BCL6: variants seen among roughly 807,000 people sequenced by gnomAD.
BCL6 encodes the protein B-cell lymphoma 6 protein.
Under a neutral mutation model 59.5 loss-of-function variants are expected in BCL6, and 7 were observed. The observed-to-expected ratio is 0.12, with a 90% CI of 0.07 to 0.22. BCL6 has a LOEUF of 0.22. Ranked by LOEUF, BCL6 falls within the 10% of genes least tolerant of loss-of-function variation. The pLI, the probability that BCL6 is intolerant of heterozygous loss-of-function variation, is 1.00. For synonymous variants in BCL6, 339 were observed against 349.7 expected (o/e 0.97, Z 0.34); for missense variants, 685 against 939.4 (o/e 0.73, Z 3.54).
intron 1 of BCL6, among the ~76,000 whole-genome samples, chr3:187,741,349 C>A (rs190929278): frequency 6.6e-6 from 1 of 152,122 alleles, no homozygotes; most frequent in Admixed American, 6.5e-5. Flanking sequence ...GGCAGAATGG[C>A]ACTCGACAGT....
In BCL6 at chr3:187,726,873, C is replaced by T. The variant is rs199997559; in HGVS notation, c.1566G>A (p.Glu522=). 4 of 1,614,044 alleles carry T rather than the reference C, an allele frequency of 2.5e-6. No homozygotes were observed. Among genetic ancestry groups the T allele is most frequent in the East Asian group, 4.5e-5 (2 of 44,880 alleles). The part of the protein sequence containing the change: ...SCENGAFFCN[E]CDCRFSEEAS... ...CCTCCTCAGAGAAGCGGCAGTCACACTCATTGCAGAAGAAGGCCCCGTTCT... is the reference window on the plus strand; with the variant it reads ...CCTCCTCAGAGAAGCGGCAGTCACATTCATTGCAGAAGAAGGCCCCGTTCT... Residue 522 remains glutamate (E), a synonymous_variant, in exon 7 of 10, where the codon GAG becomes GAA. Transcript: ENST00000406870.
intron 4 of BCL6, among the ~76,000 whole-genome samples, 200 bp downstream of exon 4, chr3:187,731,509 G>C (rs986461578): frequency 6.6e-6 from 1 of 152,126 alleles, no homozygotes; most frequent in African/African-American, 2.4e-5. Flanking sequence ...GTAATGCATA[G>C]GACATACCTG....
intron 1 of BCL6, chr3:187,736,683 C>T (rs1719296175): frequency 6.6e-6 from 1 of 152,228 alleles, no homozygotes; most frequent in African/African-American, 2.4e-5. Context: ...AACAAATGTA[C>T]ATACACGAGG....
At chr3:187,738,624 A>T (rs61738685) in intron 1 of BCL6, among the ~76,000 whole-genome samples, 2,457 of 151,960 alleles carry the variant, frequency 0.016, 62 homozygotes, top group African/African-American at 0.056. Flanking sequence ...GCCATGTCCT[A>T]ATTGGTCTCG....
intron 1 of BCL6, among the ~76,000 whole-genome samples, chr3:187,743,216 A>G (rs1711678182): frequency 6.6e-6 from 1 of 151,804 alleles, no homozygotes; most frequent in Admixed American, 6.6e-5. Flanking sequence ...ATCTACTGAC[A>G]CTCACTTTAC....
intron 9 of BCL6, among the ~76,000 whole-genome samples, chr3:187,723,782 C>T (rs1319319537): frequency 1.3e-5 from 2 of 152,184 alleles, no homozygotes; most frequent in Non-Finnish European, 2.9e-5. Context: ...CCTTGGATCT[C>T]CCTTCTGAAT....
At position 187,725,693 on chromosome 3, in the gene BCL6, G is replaced by A; in HGVS notation, c.1709-64C>T. 6.3e-7 allele frequency: 1 copy of A among 1,596,804 alleles called. No individual in the cohort carries two copies. The highest frequency in any genetic ancestry group is 8.6e-7 in the Non-Finnish European group (1 of 1,169,538). On this transcript the variant is annotated intron_variant, in intron 7 of 9. Transcript: ENST00000406870. The surrounding 1 kb of genome is among the most constrained non-coding windows in gnomAD (Gnocchi z 4.7). ...AATAAGGAAGGTCTCTGCAGTCCGT[G>A]GCTCCTGGATTTCTAAGCAGCCTGC...
chr3:187,730,261 T>C lies in BCL6; in HGVS notation c.384-240A>G, dbSNP rs139547092. ...GTGAGTTTCCGGCATGATCTATGCCTGATTAGACATAATCTTGTATGTTTA... is the reference window on the plus strand; with the variant it reads ...GTGAGTTTCCGGCATGATCTATGCCCGATTAGACATAATCTTGTATGTTTA... On this transcript the variant is annotated intron_variant, in intron 4 of 9. Transcript: ENST00000406870. Among the ~76,000 whole-genome samples, 4 of 152,364 alleles carry C rather than the reference T, an allele frequency of 2.6e-5. No individual in the cohort carries two copies. In the East Asian group the frequency reaches 7.7e-4, roughly 29 times the overall value.
At chr3:187,744,665 C>G (rs1711805893) in intron 1 of BCL6, among the ~76,000 whole-genome samples, 2 of 152,030 alleles carry the variant, frequency 1.3e-5, no homozygotes, top group South Asian at 4.2e-4. Flanking sequence ...TCTAAAAGAC[C>G]GAGGCCGATG....
intron 1 of BCL6, among the ~76,000 whole-genome samples, chr3:187,741,340 G>A (rs1010177158): frequency 3.3e-5 from 5 of 152,112 alleles, no homozygotes; most frequent in Non-Finnish European, 5.9e-5. Context: ...TCTTCAAAAG[G>A]CAGAATGGCA....
chr3:187,738,820 A>T (rs1427338198), intron 1 of BCL6, among the ~76,000 whole-genome samples: 1 of 152,134 alleles, frequency 6.6e-6, no homozygotes, highest in Non-Finnish European at 1.5e-5. Context: ...TCCTACATTG[A>T]GGCTTTCTCA....
At position 187,722,076 on chromosome 3, in the gene BCL6, A is replaced by C. The variant is rs1226444753; in HGVS notation, c.*382T>G. The C allele has an allele frequency of 4.3e-6, 1 of 234,160 alleles. No homozygotes were observed. Among genetic ancestry groups the C allele is most frequent in the Non-Finnish European group, 8.4e-6 (1 of 118,872 alleles). The allele number at this position is 234,160 out of a possible 1,614,324, so 14.5% of individuals were successfully genotyped here. A position where few individuals can be genotyped will look rare whatever the true frequency, so the allele number is the denominator to read the frequency against. On this transcript the variant is annotated 3_prime_UTR_variant, in exon 10 of 10. Coordinates refer to ENST00000406870, the MANE Select transcript of BCL6 (RefSeq NM_001706.5). ...GAAGTCTTGTCTTTTAAAAGAATGC[A>C]CATTTACATACAAAAGAAACATCTG...
intron 1 of BCL6, chr3:187,736,936 G>A (rs1037895189): frequency 1.3e-5 from 2 of 152,198 alleles, no homozygotes; most frequent in Non-Finnish European, 2.9e-5. Context: ...GGAGGGAACT[G>A]AGGCTCCGGG....
chr3:187,728,541 G>A lies in BCL6; in HGVS notation c.1359C>T (p.Ser453=), dbSNP rs201214573. The change falls in exon 6 of 10, where the codon TCC becomes TCT. Residue 453 remains serine, a synonymous_variant. Transcript: ENST00000406870. ...TGCTGCTGCGGGGAGAGCCCGTCAT[G>A]GACCTATGGACAGGAGTAAAAACAG... ...ASRLNNIVNR[S]MTGSPRSSSE... is the part of the protein sequence containing the mutation. 3 of 1,600,816 alleles carry A rather than the reference G, an allele frequency of 1.9e-6. No homozygotes were observed. Among genetic ancestry groups the A allele is most frequent in the East Asian group, 2.3e-5 (1 of 44,330 alleles).
At chr3:187,742,419 T>C (rs1255044722) in intron 1 of BCL6, among the ~76,000 whole-genome samples, 1 of 152,332 alleles carries the variant, frequency 6.6e-6, no homozygotes, top group East Asian at 1.9e-4. Context: ...AATAAGTTAG[T>C]CTTTTCAAGA....
At chr3:187,744,345 T>C (rs1711769998) in intron 1 of BCL6, among the ~76,000 whole-genome samples, 1 of 147,892 alleles carries the variant, frequency 6.8e-6, no homozygotes, top group Admixed American at 6.7e-5. Flanking sequence ...AGAAGCCCTG[T>C]CCCGCCATCA....
At chr3:187,728,672 T>C in intron 5 of BCL6, 128 bp from the exon 6 acceptor site, 1 of 927,942 alleles carries the variant, frequency 1.1e-6, no homozygotes. Context: ...GACCCCAGAG[T>C]TGTCCTCAAG....
Position 187,725,962 on chromosome 3 carries a change from C to T in BCL6, c.1709-333G>A, listed in dbSNP as rs188326069. ...CTTTGTCATTAGGATTATCTGCCTG[C>T]GGAACCTGGACAAGTCACTCTCCTT... is the stretch of plus-strand genomic sequence containing the variant. On this transcript the variant is annotated intron_variant, in intron 7 of 9. Transcript: ENST00000406870. This position sits in a 1 kb window ranked among gnomAD's most constrained non-coding sequence, Gnocchi z 4.7. Among the ~76,000 whole-genome samples, 14 of 152,326 alleles carry T rather than the reference C, an allele frequency of 9.2e-5. No homozygotes were observed. The highest frequency in any genetic ancestry group is 1.3e-4 in the Non-Finnish European group (9 of 68,014).
At chr3:187,744,492 A>T (rs536243843) in intron 1 of BCL6, among the ~76,000 whole-genome samples, 1 of 152,100 alleles carries the variant, frequency 6.6e-6, no homozygotes, top group Non-Finnish European at 1.5e-5. Flanking sequence ...AGGGAACACC[A>T]AAACACTCGG....
Sources: gnomAD v4.1 joint callset for allele counts (sites outside exome capture counted in the v4.1 genomes callset) on GRCh38, gnomAD v4.1.1 for gene constraint, Gnocchi (gnomAD v3.1) non-coding constraint, MANE v1.5 for transcripts, NCBI Gene and HGNC (gene_info 2026-07-23, HGNC 2026-07-21) for gene names.